The following ERC2 variants were observed in gnomAD, a reference collection of about 807,000 sequenced individuals.
ERC2 encodes the protein ELKS/RAB6-interacting/CAST family member 2.
In ERC2, 42 loss-of-function variants were observed where a neutral mutation model predicts 114.8. The ratio of observed to expected loss-of-function variants is 0.37; its 90% CI spans 0.29 to 0.47. ERC2 has a LOEUF of 0.47. Ranked by LOEUF, ERC2 falls within the 20% of genes least tolerant of loss-of-function variation. The pLI, the probability that ERC2 is intolerant of heterozygous loss-of-function variation, is 0.99. For missense variants in ERC2, 939 were observed against 1,150.7 expected, an observed-to-expected ratio of 0.82 and a Z score of 2.66; for synonymous variants, 454 against 425.5, an observed-to-expected ratio of 1.07 and a Z score of -0.82.
At chr3:56,429,185 T>G (rs1009541366) in intron 2 of ERC2, among the ~76,000 whole-genome samples, 1 of 152,156 alleles carries the variant, frequency 6.6e-6, no homozygotes, top group East Asian at 1.9e-4. Flanking sequence ...AATAAAGATA[T>G]AAAGAAAAGA....
intron 14 of ERC2, among the ~76,000 whole-genome samples, chr3:55,880,982 A>G (rs1477555412): frequency 6.6e-6 from 1 of 152,134 alleles, no homozygotes; most frequent in Non-Finnish European, 1.5e-5. Flanking sequence ...TCTGTGGGCT[A>G]GCACAACCCT....
At chr3:55,527,262 C>T (rs530621019) in intron 17 of ERC2, among the ~76,000 whole-genome samples, 1 of 152,284 alleles carries the variant, frequency 6.6e-6, no homozygotes, top group East Asian at 1.9e-4. Context: ...GTAAAAATAT[C>T]TAAAGCATAG....
At chr3:56,252,100 CA>C (rs2052200951) in intron 3 of ERC2, among the ~76,000 whole-genome samples, 1 of 152,124 alleles carries the variant, frequency 6.6e-6, no homozygotes, top group South Asian at 2.1e-4. Flanking sequence ...CCTTGCTCCT[CA>C]TCCTTAGCAT....
intron 14 of ERC2, among the ~76,000 whole-genome samples, chr3:55,764,045 A>T (rs2067614924): frequency 6.6e-6 from 1 of 152,198 alleles, no homozygotes; most frequent in Admixed American, 6.5e-5. Context: ...CCAAATATTA[A>T]CATTCTCAGA....
chr3:55,757,977 T>C (rs2067169968), intron 14 of ERC2, among the ~76,000 whole-genome samples: 1 of 152,136 alleles, frequency 6.6e-6, no homozygotes, highest in Non-Finnish European at 1.5e-5. Flanking sequence ...TTATTTTTTG[T>C]ATTCAAATAA....
intron 17 of ERC2, among the ~76,000 whole-genome samples, chr3:55,664,999 C>G (rs1382893002): frequency 1.3e-5 from 2 of 152,106 alleles, no homozygotes; most frequent in East Asian, 3.9e-4. Context: ...TAATAACACA[C>G]TGAGACAGAG....
intron 17 of ERC2, among the ~76,000 whole-genome samples, chr3:55,638,133 A>G (rs769554655): frequency 2.6e-5 from 4 of 151,988 alleles, no homozygotes; most frequent in Admixed American, 6.6e-5. Context: ...CCACAACAAA[A>G]AGTCATCTTT....
At chr3:55,600,328 T>G (rs538788852) in intron 17 of ERC2, among the ~76,000 whole-genome samples, 2 of 152,274 alleles carry the variant, frequency 1.3e-5, no homozygotes, top group African/African-American at 4.8e-5. Flanking sequence ...GTAGAAATAA[T>G]CTGGCACAAT....
At chr3:55,683,700 T>C (rs1398642537) in intron 17 of ERC2, 94 bp downstream of exon 17, 16 of 1,039,110 alleles carry the variant, frequency 1.5e-5, no homozygotes, top group Non-Finnish European at 2.1e-5. Context: ...CAGGGCACAA[T>C]TCACAAACAT....
intron 17 of ERC2, among the ~76,000 whole-genome samples, chr3:55,521,706 A>T (rs2052955148): frequency 6.6e-6 from 1 of 152,200 alleles, no homozygotes; most frequent in Non-Finnish European, 1.5e-5. Flanking sequence ...TTGCTATGTG[A>T]GGCTGGGCTG....
At chr3:56,337,158 T>C (rs1350279074) in intron 2 of ERC2, among the ~76,000 whole-genome samples, 2 of 152,142 alleles carry the variant, frequency 1.3e-5, no homozygotes, top group African/African-American at 4.8e-5. Flanking sequence ...TAATAAACGC[T>C]TCAAGCTCCC....
chr3:55,513,084 G>A (rs1316722565), intron 17 of ERC2, among the ~76,000 whole-genome samples: 1 of 152,168 alleles, frequency 6.6e-6, no homozygotes, highest in African/African-American at 2.4e-5. Flanking sequence ...CAGTCACAGC[G>A]GCCCTTACCC....
rs58096058 is a variant in ERC2, at chr3:56,231,969, G to GT, written c.1075-58450dup. Among the ~76,000 whole-genome samples, 821 of 146,020 alleles carry GT rather than the reference G, an allele frequency of 5.6e-3. 3 individuals are homozygous for GT. The highest frequency in any genetic ancestry group is 0.014 in the African/African-American group (554 of 40,038). ...TTATAGAATGTAAGACCTAGACATA[G>GT]TTTTTTTTTTTTCTTTTTTGAAACA... On this transcript the variant is annotated intron_variant, in intron 3 of 17. Transcript: ENST00000288221.
In ERC2 at chr3:56,416,407, C is replaced by T. The variant is rs533022567; in HGVS notation, c.657+17944G>A. On this transcript the variant is annotated intron_variant, in intron 2 of 17. Transcript: ENST00000288221. ...TAAAAATATGGTCAACTATGTCACA[C>T]AAAGAAGGCAGGGAGAGATTCCCCA... 4.9e-4 allele frequency among the ~76,000 whole-genome samples: 74 copies of T among 152,190 alleles called. 1 individual carries two copies. The highest frequency in any genetic ancestry group is 4.8e-3 in the South Asian group (23 of 4,818).
At chr3:56,009,257 A>G (rs1394657452) in intron 9 of ERC2, among the ~76,000 whole-genome samples, 3 of 152,182 alleles carry the variant, frequency 2.0e-5, no homozygotes, top group Admixed American at 6.5e-5. Context: ...CTTCTGTCGC[A>G]TACAAACAAC....
At chr3:55,830,517 T>C (rs577515969) in intron 14 of ERC2, among the ~76,000 whole-genome samples, 4 of 152,182 alleles carry the variant, frequency 2.6e-5, no homozygotes, top group African/African-American at 9.7e-5. Flanking sequence ...ATATAATACA[T>C]TTGACAAATA....
intron 16 of ERC2, among the ~76,000 whole-genome samples, chr3:55,692,258 C>T (rs2062705457): frequency 6.6e-6 from 1 of 152,130 alleles, no homozygotes; most frequent in East Asian, 1.9e-4. Flanking sequence ...GATCCCACGG[C>T]CTCAAGCTGG....
At chr3:55,527,598 A>C (rs1379018773) in intron 17 of ERC2, among the ~76,000 whole-genome samples, 1 of 152,212 alleles carries the variant, frequency 6.6e-6, no homozygotes, top group East Asian at 1.9e-4. Context: ...GTTCAGGGCA[A>C]TTAAGTAACT....
intron 14 of ERC2, among the ~76,000 whole-genome samples, chr3:55,742,209 A>G (rs894516639): frequency 2.0e-5 from 3 of 152,162 alleles, no homozygotes; most frequent in Non-Finnish European, 4.4e-5. Flanking sequence ...CCTCACAAAG[A>G]GAGTTCCAGG....
Sources: allele counts gnomAD v4.1 joint callset (sites outside exome capture counted in the v4.1 genomes callset), GRCh38; gene constraint gnomAD v4.1.1; transcripts MANE v1.5; gene names NCBI Gene and HGNC (gene_info 2026-07-23, HGNC 2026-07-21).